The following TUBD1 variants were observed in gnomAD, a reference collection of about 807,000 sequenced individuals.
TUBD1 encodes tubulin delta 1, also known as tubulin delta chain.
TUBD1 carries 38 observed loss-of-function variants against 51.2 expected under a neutral mutation model. That is an observed-to-expected ratio of 0.74 (90% CI 0.57 to 0.97). The LOEUF is 0.97. Among genes scored for constraint, TUBD1 ranks in the 50% least tolerant of loss-of-function variants. The pLI is 0.00. For synonymous variants in TUBD1, 169 were observed against 178.2 expected (o/e 0.95, Z 0.41); for missense variants, 489 against 538.4 (o/e 0.91, Z 0.91).
intron 2 of TUBD1, 81 bp from the exon 3 acceptor site, chr17:59,886,311 G>T: frequency 4.7e-6 from 6 of 1,289,770 alleles, no homozygotes; most frequent in African/African-American, 1.5e-5. Flanking sequence ...GAGCATCTAA[G>T]TGTCCAAATC....
intron 6 of TUBD1, among the ~76,000 whole-genome samples, chr17:59,871,945 A>G (rs537395453): frequency 1.3e-5 from 2 of 149,322 alleles, no homozygotes; most frequent in African/African-American, 2.5e-5. Flanking sequence ...ACAGGTGCAT[A>G]CCACTATGCC....
rs2039370781 is a variant in TUBD1, at chr17:59,860,127, T to C, written c.*195A>G. ...GCCTCCTGGGTTCACGTCATTCTCC[T>C]GCCTCAGCCTCCCGAGTAGCTGGGA... On this transcript the variant is annotated 3_prime_UTR_variant, in exon 9 of 9. Coordinates refer to ENST00000325752, the MANE Select transcript of TUBD1 (RefSeq NM_016261.4). 1 of 379,904 alleles carries C rather than the reference T, an allele frequency of 2.6e-6. No individual in the cohort carries two copies. Among genetic ancestry groups the C allele is most frequent in the Non-Finnish European group, 4.8e-6 (1 of 210,494 alleles). 23.5% of individuals were successfully genotyped at this position (379,904 alleles called of 1,614,324 possible).
At chr17:59,866,141 G>C (rs62081828) in intron 7 of TUBD1, among the ~76,000 whole-genome samples, 1 of 148,430 alleles carries the variant, frequency 6.7e-6, no homozygotes, top group Non-Finnish European at 1.5e-5. Flanking sequence ...AAAAGGAAAG[G>C]AGGCAGGTCC....
chr17:59,890,614 G>C (rs971969315), intron 2 of TUBD1, among the ~76,000 whole-genome samples: 5 of 152,206 alleles, frequency 3.3e-5, no homozygotes, highest in African/African-American at 7.2e-5. Flanking sequence ...CAATAGATGA[G>C]TTTTGTTTGG....
At chr17:59,873,174 C>T (rs1002007447) in intron 6 of TUBD1, among the ~76,000 whole-genome samples, 34 of 152,216 alleles carry the variant, frequency 2.2e-4, no homozygotes, top group African/African-American at 8.2e-4. Context: ...GTAGTTTCAT[C>T]TGTGTAATGG....
chr17:59,890,712 A>G, intron 2 of TUBD1, 119 bp downstream of exon 2: 1 of 865,586 alleles, frequency 1.2e-6, no homozygotes, highest in Non-Finnish European at 1.7e-6. Flanking sequence ...TGAAAAGCAA[A>G]AACAAAGTAA....
rs760166750 is a variant in TUBD1 at position 59,874,600 on chromosome 17, A to G, written c.873T>C (p.Thr291=). 6.2e-7 allele frequency: 1 copy of G among 1,613,758 alleles called. No individual in the cohort carries two copies. The highest frequency in any genetic ancestry group is 8.5e-7 in the Non-Finnish European group (1 of 1,179,960). Residue 291 remains threonine (T), a synonymous_variant, in exon 6 of 9, where the codon ACT becomes ACC. Transcript: ENST00000325752. ...TCAAATGCTTGAGGAGGCCAGCCCAAGTAAATGTGGTGTATGCCAATGAAT... is the reference window on the plus strand; with the variant it reads ...TCAAATGCTTGAGGAGGCCAGCCCAGGTAAATGTGGTGTATGCCAATGAAT... ...SENSLAYTTF[T]WAGLLKHLRQ... is the part of the protein sequence containing the mutation.
chr17:59,873,905 A>C (rs185592715), intron 6 of TUBD1, among the ~76,000 whole-genome samples: 48 of 149,734 alleles, frequency 3.2e-4, no homozygotes, highest in Admixed American at 1.9e-3. Context: ...CTGAGATATA[A>C]TTGGCCGGGC....
intron 8 of TUBD1, among the ~76,000 whole-genome samples, chr17:59,860,866 T>C (rs1023122308): frequency 6.6e-6 from 1 of 151,650 alleles, no homozygotes; most frequent in African/African-American, 2.4e-5. Flanking sequence ...GGATTACAGG[T>C]GTGAGCCACC....
chr17:59,865,671 C>T (rs2039664931), intron 7 of TUBD1, among the ~76,000 whole-genome samples: 1 of 152,202 alleles, frequency 6.6e-6, no homozygotes, highest in Non-Finnish European at 1.5e-5. Context: ...TCCAGCAATT[C>T]CTGCTCCTTA....
intron 5 of TUBD1, among the ~76,000 whole-genome samples, chr17:59,876,350 T>G (rs1367219488): frequency 6.7e-6 from 1 of 148,728 alleles, no homozygotes; most frequent in Non-Finnish European, 1.5e-5. Context: ...AACTGTTTGT[T>G]TTTTTTTTGT....
At chr17:59,888,459 G>A (rs1169212478) in intron 2 of TUBD1, among the ~76,000 whole-genome samples, 3 of 152,166 alleles carry the variant, frequency 2.0e-5, no homozygotes, top group Non-Finnish European at 1.5e-5. Context: ...AGAGCACAAG[G>A]AACAATAATG....
At chr17:59,877,983 G>C (rs1429431572) in intron 5 of TUBD1, 120 bp downstream of exon 5, 2 of 764,994 alleles carry the variant, frequency 2.6e-6, no homozygotes, top group Non-Finnish European at 4.1e-6. Flanking sequence ...GTGAAGAAAG[G>C]GTTTTGAGAT....
intron 1 of TUBD1, 61 bp from the exon 2 acceptor site, chr17:59,891,102 G>T (rs1158664159): frequency 4.5e-6 from 4 of 880,192 alleles, no homozygotes; most frequent in African/African-American, 3.4e-5. Context: ...CAAATAAAAT[G>T]CCATGTATGT....
At chr17:59,883,319 G>A (rs969815149) in intron 3 of TUBD1, among the ~76,000 whole-genome samples, 2 of 151,602 alleles carry the variant, frequency 1.3e-5, no homozygotes, top group African/African-American at 4.8e-5. Context: ...GCCCAGGCTG[G>A]AGTGCAATGG....
At chr17:59,874,058 A>G (rs1329502451) in intron 6 of TUBD1, among the ~76,000 whole-genome samples, 4 of 150,930 alleles carry the variant, frequency 2.7e-5, no homozygotes, top group African/African-American at 4.9e-5. Context: ...GCGTGGTGGC[A>G]GGCGCCTGTA....
intron 6 of TUBD1, among the ~76,000 whole-genome samples, chr17:59,872,694 A>ATGTGTGTGTGTGTG (rs60720420): frequency 6.3e-4 from 90 of 142,722 alleles, no homozygotes; most frequent in African/African-American, 1.8e-3. Flanking sequence ...GAAAATGGGA[A>ATGTGTGTGTGTGTG]TGTGTGTGTG....
rs71145582 is a variant in TUBD1 at position 59,862,714 on chromosome 17, A to AT, written c.1259+949dup. 9.6e-3 allele frequency among the ~76,000 whole-genome samples: 549 copies of AT among 56,952 alleles called. 83 individuals carry two copies. Among genetic ancestry groups the AT allele is most frequent in the African/African-American group, 0.028 (333 of 11,848 alleles). 37.4% of individuals were successfully genotyped at this position (56,952 alleles called of 152,430 possible). On this transcript the variant is annotated intron_variant, in intron 8 of 8. Coordinates refer to ENST00000325752, the MANE Select transcript of TUBD1 (RefSeq NM_016261.4). ...ACCACTATGCCAAGCTAATTTTTGT[A>AT]TTTTTTTTTTTTTTTTTTTTTTTTT...
chr17:59,878,587 T>TAAGA (rs2040335735), intron 4 of TUBD1: 3 of 359,304 alleles, frequency 8.3e-6, no homozygotes, highest in Non-Finnish European at 1.0e-5. Flanking sequence ...CGGTTCGAGA[T>TAAGA]TCTTGTGTCT....
Sources: gnomAD v4.1 joint callset for allele counts (sites outside exome capture counted in the v4.1 genomes callset) on GRCh38, gnomAD v4.1.1 for gene constraint, MANE v1.5 for transcripts, NCBI Gene and HGNC (gene_info 2026-07-23, HGNC 2026-07-21) for gene names.